Variants in PILRA observed in about 807,000 individuals in gnomAD.
PILRA encodes paired immunoglobulin-like type 2 receptor alpha.
A neutral mutation model predicts 33.1 loss-of-function variants in PILRA; 37 were observed. The ratio of observed to expected loss-of-function variants is 1.12; its 90% CI spans 0.86 to 1.47. The LOEUF (loss-of-function observed/expected upper bound fraction) is 1.47, where lower values mean the gene tolerates loss of function less well. Ranked by LOEUF, PILRA falls within the 40% of genes most tolerant of loss-of-function variation. The pLI, the probability that PILRA is intolerant of heterozygous loss-of-function variation, is 0.00. For synonymous variants in PILRA, 146 were observed against 149.9 expected, an observed-to-expected ratio of 0.97 and a Z score of 0.19; for missense variants, 312 against 376.2, an observed-to-expected ratio of 0.83 and a Z score of 1.41.
intron 4 of PILRA, 62 bp from the exon 5 acceptor site, chr7:100,399,229 C>G (rs1791579950): frequency 8.0e-7 from 1 of 1,247,608 alleles, no homozygotes; most frequent in Admixed American, 1.9e-5. Context: ...GTGCCACCAC[C>G]CAGCCCATGT....
chr7:100,396,571 G>A (rs775454960), intron 3 of PILRA, among the ~76,000 whole-genome samples: 1 of 152,134 alleles, frequency 6.6e-6, no homozygotes, highest in African/African-American at 2.4e-5. Flanking sequence ...AGAATCGCTT[G>A]AACCAGAGAG....
intron 1 of PILRA, 59 bp downstream of exon 1, chr7:100,373,779 C>G (rs900128395): frequency 6.3e-7 from 1 of 1,599,086 alleles, no homozygotes; most frequent in South Asian, 1.1e-5. Context: ...GGGGCCAACC[C>G]GAGACAAAGG....
At chr7:100,381,984 G>T (rs1010263126) in intron 2 of PILRA, among the ~76,000 whole-genome samples, 7 of 150,786 alleles carry the variant, frequency 4.6e-5, no homozygotes, top group African/African-American at 1.7e-4. Flanking sequence ...CCTGCAGCCC[G>T]CCATGCCTCA....
At chr7:100,371,785 G>A (rs1196853483), upstream of PILRA, among the ~76,000 whole-genome samples, 1 of 152,210 alleles carries the variant, frequency 6.6e-6, no homozygotes, top group South Asian at 2.1e-4. Context: ...ACTGCTGTTG[G>A]GGGAGGGAGG....
chr7:100,373,480 G>T (rs1047951247), upstream of PILRA: 2 of 678,362 alleles, frequency 2.9e-6, no homozygotes, highest in Admixed American at 5.0e-5. Flanking sequence ...TAAAGGAAGT[G>T]CTGGTCACCC....
intron 6 of PILRA, 23 bp downstream of exon 6, chr7:100,399,635 G>A: frequency 6.2e-7 from 1 of 1,613,998 alleles, no homozygotes; most frequent in Non-Finnish European, 8.5e-7. Context: ...ACCAGGGCCT[G>A]AAGGAATTAA....
At chr7:100,395,679 C>T (rs1450501086) in intron 3 of PILRA, among the ~76,000 whole-genome samples, 1 of 151,974 alleles carries the variant, frequency 6.6e-6, no homozygotes, top group Non-Finnish European at 1.5e-5. Context: ...AGAGCTATCT[C>T]CTTATACCCA....
intron 2 of PILRA, among the ~76,000 whole-genome samples, chr7:100,378,185 TAAAAAAA>T (rs768016679): frequency 1.5e-5 from 2 of 133,882 alleles, no homozygotes; most frequent in African/African-American, 5.5e-5. Context: ...CCCCCATCTC[TAAAAAAA>T]AAAAAAAAAA....
At position 100,386,094 on chromosome 7, in the gene PILRA, T is replaced by C. The variant is rs189519005; in HGVS notation, c.455-3794T>C. Among the ~76,000 whole-genome samples the C allele has an allele frequency of 1.5e-3, 226 of 152,180 alleles. 1 individual carries two copies. The highest frequency in any genetic ancestry group is 6.8e-3 in the Middle Eastern group (2 of 294). ...ACAAGCACGTGTCACCATGCCCACC[T>C]AATTTTTGTAGTTTCACCAAGTTGG... On this transcript the variant is annotated intron_variant, in intron 2 of 6. Coordinates refer to ENST00000198536, the MANE Select transcript of PILRA (RefSeq NM_013439.3).
In PILRA at chr7:100,387,283, G is replaced by A. The variant is rs1050016152; in HGVS notation, c.455-2605G>A. On this transcript the variant is annotated intron_variant, in intron 2 of 6. Coordinates refer to ENST00000198536, the MANE Select transcript of PILRA (RefSeq NM_013439.3). ...GGCTGGGGTACAGTAGCATGATCTT[G>A]GCTCACTGCAACCTCCGCCTCCCAG... 1.1e-4 allele frequency among the ~76,000 whole-genome samples: 17 copies of A among 152,186 alleles called. 3 individuals carry two copies. Among genetic ancestry groups the A allele is most frequent in the Admixed American group, 1.1e-3 (17 of 15,266 alleles).
intron 3 of PILRA, among the ~76,000 whole-genome samples, chr7:100,397,321 G>A (rs955283354): frequency 2.0e-5 from 3 of 152,036 alleles, no homozygotes; most frequent in Admixed American, 6.6e-5. Flanking sequence ...GGGGATGGGA[G>A]GGGCAGGACA....
chr7:100,395,306 A>G (rs1791472404), intron 3 of PILRA, among the ~76,000 whole-genome samples: 3 of 152,122 alleles, frequency 2.0e-5, no homozygotes, highest in Non-Finnish European at 4.4e-5. Flanking sequence ...CAAACGGATT[A>G]ATGCCATTAT....
intron 2 of PILRA, among the ~76,000 whole-genome samples, chr7:100,386,130 C>A (rs1262187834): frequency 2.0e-5 from 3 of 152,182 alleles, no homozygotes; most frequent in Non-Finnish European, 4.4e-5. Context: ...CCAGGCTGGT[C>A]TGATTCCTGA....
At chr7:100,386,749 A>G (rs1353843639) in intron 2 of PILRA, among the ~76,000 whole-genome samples, 1 of 151,744 alleles carries the variant, frequency 6.6e-6, no homozygotes, top group Non-Finnish European at 1.5e-5. Flanking sequence ...GCTGGTCTCA[A>G]AACTCCTGGG....
chr7:100,377,242 T>C (rs1790973732), intron 2 of PILRA, among the ~76,000 whole-genome samples: 1 of 91,058 alleles, frequency 1.1e-5, no homozygotes, highest in Non-Finnish European at 2.6e-5. Context: ...TTTTTTTTTT[T>C]TTTTTTTTTT....
At chr7:100,373,143 C>T (rs1790858064), upstream of PILRA, among the ~76,000 whole-genome samples, 1 of 152,126 alleles carries the variant, frequency 6.6e-6, no homozygotes, top group Admixed American at 6.5e-5. Flanking sequence ...GGCTGAGCAC[C>T]TGTGACCTCC....
intron 2 of PILRA, among the ~76,000 whole-genome samples, chr7:100,382,688 C>G (rs758075596): frequency 3.3e-5 from 5 of 152,334 alleles, no homozygotes; most frequent in South Asian, 2.1e-4. Context: ...CTCTGGTTCT[C>G]TTCTACGGTG....
intron 3 of PILRA, among the ~76,000 whole-genome samples, chr7:100,397,276 A>G (rs1791518826): frequency 6.6e-6 from 1 of 151,892 alleles, no homozygotes; most frequent in Non-Finnish European, 1.5e-5. Flanking sequence ...GTGGACCAGG[A>G]GCCCACTGCT....
intron 2 of PILRA, among the ~76,000 whole-genome samples, chr7:100,388,793 AAC>A (rs1791314321): frequency 6.6e-6 from 1 of 151,710 alleles, no homozygotes; most frequent in African/African-American, 2.4e-5. Flanking sequence ...ATCCTGTAAA[AAC>A]ACACTGTATG....
Sources: gnomAD v4.1 joint callset for allele counts (sites outside exome capture counted in the v4.1 genomes callset) on GRCh38, gnomAD v4.1.1 for gene constraint, MANE v1.5 for transcripts, NCBI Gene and HGNC (gene_info 2026-07-23, HGNC 2026-07-21) for gene names.